Variants in IL1RAPL2 observed in about 807,000 individuals in gnomAD.
IL1RAPL2 encodes X-linked interleukin-1 receptor accessory protein-like 2.
IL1RAPL2 carries 3 observed loss-of-function variants against 44.1 expected under a neutral mutation model. The ratio of observed to expected loss-of-function variants is 0.07; its 90% CI spans 0.03 to 0.18. IL1RAPL2 has a LOEUF of 0.18. IL1RAPL2 is among the 10% of genes least tolerant of loss of function. The probability of loss-of-function intolerance (pLI) is 1.00; values close to 1 mark genes in which losing one functional copy is unlikely to be tolerated. For synonymous variants in IL1RAPL2, 181 were observed against 178.8 expected, an observed-to-expected ratio of 1.01 and a Z score of -0.10; for missense variants, 391 against 496.4, an observed-to-expected ratio of 0.79 and a Z score of 2.02.
At chrX:105,046,559 C>G (rs1268179972) in intron 2 of IL1RAPL2, among the ~76,000 whole-genome samples, 2 of 111,458 alleles carry the variant, frequency 1.8e-5, no homozygotes, top group African/African-American at 6.5e-5. Flanking sequence ...TTCTCTCTCC[C>G]ATTCCTCTTT....
rs375345479 is a variant in IL1RAPL2 at position 105,478,544 on chromosome X, G to T, written c.698-5769G>T. 4.5e-5 allele frequency among the ~76,000 whole-genome samples: 5 copies of T among 110,301 alleles called. No homozygotes were observed. The East Asian group carries it at 1.2e-3, about 25-fold the overall frequency. On this transcript the variant is annotated intron_variant, in intron 5 of 10. Coordinates refer to ENST00000372582, the MANE Select transcript of IL1RAPL2 (RefSeq NM_017416.2). ...TTAACCAAGATACAACACAATAAAA[G>T]AAAACATATTAAAAAAAAACAACAA...
At chrX:105,752,944 T>C (rs1481635559) in intron 9 of IL1RAPL2, 4 of 329,022 alleles carry the variant, frequency 1.2e-5, no homozygotes, top group East Asian at 2.0e-4. Context: ...ACCAGAAGCA[T>C]TCATTTTTTC....
At chrX:105,056,832 T>C (rs897831318) in intron 2 of IL1RAPL2, among the ~76,000 whole-genome samples, 1 of 112,101 alleles carries the variant, frequency 8.9e-6, no homozygotes, top group Non-Finnish European at 1.9e-5. Context: ...TAGACTATAT[T>C]ACTATTAATT....
chrX:105,200,283 T>C (rs1309640203), intron 3 of IL1RAPL2, among the ~76,000 whole-genome samples: 2 of 112,507 alleles, frequency 1.8e-5, no homozygotes, highest in African/African-American at 6.5e-5. Flanking sequence ...ATTTACTGTT[T>C]GTGACCTTTC....
intron 2 of IL1RAPL2, among the ~76,000 whole-genome samples, chrX:104,968,384 A>C (rs2030166344): frequency 1.8e-5 from 2 of 112,136 alleles, no homozygotes; most frequent in Admixed American, 1.9e-4. Flanking sequence ...AAGTAGGAAT[A>C]GAAGCAACTG....
intron 5 of IL1RAPL2, among the ~76,000 whole-genome samples, chrX:105,442,804 G>A (rs1450633663): frequency 2.7e-5 from 3 of 112,208 alleles, no homozygotes; most frequent in Non-Finnish European, 5.6e-5. Context: ...GGCTGGGCAT[G>A]GTGGCTCACA....
At chrX:105,257,785 A>C (rs747326621) in intron 4 of IL1RAPL2, among the ~76,000 whole-genome samples, 1 of 112,263 alleles carries the variant, frequency 8.9e-6, no homozygotes, top group East Asian at 2.8e-4. Flanking sequence ...TTTGCTTGGT[A>C]GATTTTCCTT....
At chrX:104,742,944 C>A (rs983989302) in intron 2 of IL1RAPL2, among the ~76,000 whole-genome samples, 1 of 111,780 alleles carries the variant, frequency 8.9e-6, no homozygotes, top group Non-Finnish European at 1.9e-5. Context: ...AGGTTTAATG[C>A]ATTTCAACAC....
intron 2 of IL1RAPL2, among the ~76,000 whole-genome samples, chrX:105,144,256 T>A (rs2033158637): frequency 2.7e-5 from 3 of 110,266 alleles, no homozygotes; most frequent in African/African-American, 9.9e-5. Context: ...ATCTAGCTAC[T>A]TACTAACACC....
intron 2 of IL1RAPL2, among the ~76,000 whole-genome samples, chrX:105,179,183 AG>A (rs199522462): frequency 0.095 from 10,646 of 111,599 alleles, 1,312 homozygotes; most frequent in African/African-American, 0.33. Flanking sequence ...GGTAAGAGAT[AG>A]GAATTCAGTT....
intron 10 of IL1RAPL2, among the ~76,000 whole-genome samples, chrX:105,758,879 C>G (rs1282924296): frequency 2.7e-5 from 3 of 112,230 alleles, no homozygotes; most frequent in Non-Finnish European, 5.6e-5. Flanking sequence ...TTCAAACTGC[C>G]TAGAGACACA....
At chrX:104,790,396 C>G (rs182973476) in intron 2 of IL1RAPL2, among the ~76,000 whole-genome samples, 1 of 111,023 alleles carries the variant, frequency 9.0e-6, no homozygotes, top group East Asian at 2.8e-4. Flanking sequence ...CACGCCCTCA[C>G]CCTCCTTTTT....
At chrX:105,248,287 GGAAAA>G (rs1313586057) in intron 4 of IL1RAPL2, among the ~76,000 whole-genome samples, 5 of 110,858 alleles carry the variant, frequency 4.5e-5, no homozygotes, top group African/African-American at 1.3e-4. Flanking sequence ...TATAAATATT[GGAAAA>G]GAAGAGACAA....
chrX:105,442,222 G>T (rs903596402), intron 5 of IL1RAPL2, among the ~76,000 whole-genome samples: 1 of 108,412 alleles, frequency 9.2e-6, no homozygotes, highest in Non-Finnish European at 1.9e-5. Flanking sequence ...AGCTAATTTC[G>T]TTTTTGTATT....
At chrX:105,062,329 C>CT (rs2032085290) in intron 2 of IL1RAPL2, among the ~76,000 whole-genome samples, 1 of 111,727 alleles carries the variant, frequency 9.0e-6, no homozygotes, top group Non-Finnish European at 1.9e-5. Context: ...AACTCTACAC[C>CT]TTTTTTGTCC....
At chrX:104,614,334 A>G (rs1230566224) in intron 1 of IL1RAPL2, among the ~76,000 whole-genome samples, 1 of 111,801 alleles carries the variant, frequency 8.9e-6, no homozygotes, top group Admixed American at 9.5e-5. Context: ...CTATGTAATT[A>G]TGTGGTTTTA....
chrX:105,104,782 A>G (rs779427886), intron 2 of IL1RAPL2, among the ~76,000 whole-genome samples: 43 of 112,279 alleles, frequency 3.8e-4, no homozygotes, highest in African/African-American at 1.4e-3. Flanking sequence ...ACAAATATGT[A>G]GGGAAAAAAT....
At chrX:104,729,447 C>CTTTTTT (rs5903245) in intron 2 of IL1RAPL2, among the ~76,000 whole-genome samples, 20 of 46,478 alleles carry the variant, frequency 4.3e-4, no homozygotes, top group African/African-American at 6.4e-4. Context: ...GGCCTGCTGC[C>CTTTTTT]TTTTTTTTTT....
intron 6 of IL1RAPL2, among the ~76,000 whole-genome samples, chrX:105,526,969 A>G (rs961975562): frequency 8.9e-6 from 1 of 111,732 alleles, no homozygotes; most frequent in African/African-American, 3.2e-5. Flanking sequence ...CATAATAACA[A>G]TAAGGTTGAG....
Sources: gnomAD v4.1 joint callset for allele counts (sites outside exome capture counted in the v4.1 genomes callset) on GRCh38, gnomAD v4.1.1 for gene constraint, MANE v1.5 for transcripts, NCBI Gene and HGNC (gene_info 2026-07-23, HGNC 2026-07-21) for gene names.